The following DPP10 variants were observed in gnomAD, a reference collection of about 807,000 sequenced individuals.
DPP10 encodes dipeptidyl peptidase like 10, also known as inactive dipeptidyl peptidase 10.
In DPP10, 33 loss-of-function variants were observed where a neutral mutation model predicts 120.9. The ratio of observed to expected loss-of-function variants is 0.27; its 90% confidence interval spans 0.21 to 0.37. DPP10 has a LOEUF of 0.37. Ranked by LOEUF, DPP10 falls within the 10% of genes least tolerant of loss-of-function variation. The probability of loss-of-function intolerance (pLI) is 1.00; values close to 1 mark genes in which losing one functional copy is unlikely to be tolerated. For missense variants in DPP10, 816 were observed against 942.8 expected (o/e 0.87, Z 1.76); for synonymous variants, 337 against 326.1 (o/e 1.03, Z -0.36).
At position 114,473,354 on chromosome 2, in the gene DPP10, G is replaced by A. The variant is rs549366367; in HGVS notation, c.60+30516G>A. On this transcript the variant is annotated intron_variant, in intron 1 of 25. Transcript: ENST00000410059. ...TGGTGCCCCTGAAAAAATTAGGTTT[G>A]CAATTAGGACAATTTCTGCCTTGTA... Among the ~76,000 whole-genome samples, 10 of 152,254 alleles carry A rather than the reference G, an allele frequency of 6.6e-5. No individual in the cohort carries two copies. The South Asian group carries it at 2.1e-3, about 32-fold the overall frequency.
At chr2:114,700,854 G>A (rs1201270533) in intron 1 of DPP10, among the ~76,000 whole-genome samples, 1 of 152,022 alleles carries the variant, frequency 6.6e-6, no homozygotes, top group Non-Finnish European at 1.5e-5. Flanking sequence ...AGACTGTGAG[G>A]AATTTACACA....
At chr2:114,754,436 T>C (rs1679546029) in intron 1 of DPP10, among the ~76,000 whole-genome samples, 1 of 152,206 alleles carries the variant, frequency 6.6e-6, no homozygotes. Flanking sequence ...ATGATTCGAT[T>C]GATTTGAATG....
At chr2:115,802,526 G>A (rs1386117416) in intron 19 of DPP10, among the ~76,000 whole-genome samples, 1 of 152,108 alleles carries the variant, frequency 6.6e-6, no homozygotes, top group Non-Finnish European at 1.5e-5. Context: ...TGATGTTAGG[G>A]TGTCAATTTT....
intron 1 of DPP10, among the ~76,000 whole-genome samples, chr2:114,542,845 A>C (rs1459078216): frequency 6.6e-6 from 1 of 152,190 alleles, no homozygotes; most frequent in African/African-American, 2.4e-5. Context: ...GGTTTTATCA[A>C]GATTGGGATC....
chr2:115,542,694 TAAA>T (rs979767132), intron 5 of DPP10, among the ~76,000 whole-genome samples: 1 of 142,384 alleles, frequency 7.0e-6, no homozygotes, highest in Non-Finnish European at 1.5e-5. Context: ...GAGATGACAT[TAAA>T]AAAAAAAAGA....
chr2:114,707,407 A>G (rs1039485529), intron 1 of DPP10, among the ~76,000 whole-genome samples: 3 of 152,218 alleles, frequency 2.0e-5, no homozygotes, highest in Admixed American at 6.5e-5. Context: ...TGTATTATGA[A>G]TTTATATCCA....
intron 1 of DPP10, among the ~76,000 whole-genome samples, chr2:115,069,720 G>A (rs1489499925): frequency 6.6e-6 from 1 of 151,640 alleles, no homozygotes; most frequent in Non-Finnish European, 1.5e-5. Flanking sequence ...TTCCAATTCT[G>A]CTTCCTCGAA....
intron 3 of DPP10, among the ~76,000 whole-genome samples, chr2:115,401,071 C>A (rs1371318852): frequency 1.3e-5 from 2 of 152,098 alleles, no homozygotes; most frequent in African/African-American, 4.8e-5. Context: ...AATGAGCGAG[C>A]CATAGAAGGT....
Position 115,777,232 on chromosome 2 carries a change from C to T in DPP10, c.1246C>T (p.Arg416Trp), listed in dbSNP as rs772658327. 11 of 1,612,696 alleles carry T rather than the reference C, an allele frequency of 6.8e-6. No homozygotes were observed. The highest frequency in any genetic ancestry group is 1.3e-5 in the African/African-American group (1 of 74,790). Residue 416 changes from arginine to tryptophan, a missense_variant, in exon 14 of 26, where the codon CGG becomes TGG. Transcript: ENST00000410059. Reference protein sequence around the residue: ...IQSKSEQITVRHLTSGNWEVI... With the variant: ...IQSKSEQITVWHLTSGNWEVI... ...GAGTAAAAGTGAGCAAATTACCGTG[C>T]GGCATCTGACATCAGGAAACTGGGA... is the stretch of plus-strand genomic sequence containing the variant.
chr2:115,825,236 T>G (rs1045781446), intron 21 of DPP10, among the ~76,000 whole-genome samples: 3 of 152,182 alleles, frequency 2.0e-5, no homozygotes, highest in African/African-American at 4.8e-5. Flanking sequence ...CCTTTTAACT[T>G]TTTTCTAACA....
At chr2:115,519,350 A>C (rs1260656001) in intron 4 of DPP10, among the ~76,000 whole-genome samples, 2 of 152,176 alleles carry the variant, frequency 1.3e-5, no homozygotes, top group South Asian at 4.1e-4. Context: ...ACGTAGTTGT[A>C]TCATGGCATT....
intron 1 of DPP10, among the ~76,000 whole-genome samples, chr2:114,869,177 C>T (rs904434170): frequency 5.3e-5 from 8 of 151,862 alleles, no homozygotes; most frequent in South Asian, 2.1e-4. Flanking sequence ...TCAGCCATTA[C>T]GAACTACGAA....
intron 1 of DPP10, among the ~76,000 whole-genome samples, chr2:114,727,461 A>G (rs13400432): frequency 6.4e-4 from 97 of 152,338 alleles, no homozygotes; most frequent in African/African-American, 2.3e-3. Context: ...ATGATCCAGC[A>G]GGTTGTTTTT....
At chr2:115,730,598 G>C (rs962624693) in intron 8 of DPP10, among the ~76,000 whole-genome samples, 2 of 152,302 alleles carry the variant, frequency 1.3e-5, no homozygotes, top group African/African-American at 4.8e-5. Flanking sequence ...TTGGGTCTCT[G>C]TCCTATTGAA....
intron 3 of DPP10, among the ~76,000 whole-genome samples, chr2:115,461,298 T>C (rs843424): frequency 0.83 from 125,815 of 151,986 alleles, 55,139 homozygotes; most frequent in Non-Finnish European, 0.97. Context: ...ATGGTGGTTA[T>C]ATGCTTGTAT....
intron 1 of DPP10, among the ~76,000 whole-genome samples, chr2:115,031,418 C>A (rs554906887): frequency 2.0e-5 from 3 of 152,218 alleles, no homozygotes; most frequent in South Asian, 2.1e-4. Context: ...TGTGTCCAAT[C>A]AGGATGGATT....
chr2:115,328,698 T>C (rs978388107), intron 2 of DPP10, among the ~76,000 whole-genome samples: 2 of 152,092 alleles, frequency 1.3e-5, no homozygotes, highest in African/African-American at 2.4e-5. Context: ...AAGCAGCATT[T>C]TTCTGGTTGA....
chr2:115,090,093 T>A (rs984084456), intron 1 of DPP10, among the ~76,000 whole-genome samples: 1 of 152,192 alleles, frequency 6.6e-6, no homozygotes, highest in African/African-American at 2.4e-5. Context: ...GATCCACAAT[T>A]ATTCCCTTTT....
rs184274354 is a variant in DPP10, at chr2:114,775,925, C to T, written c.60+333087C>T. Among the ~76,000 whole-genome samples, 9 of 152,180 alleles carry T rather than the reference C, an allele frequency of 5.9e-5. No individual in the cohort carries two copies. The East Asian group carries it at 1.2e-3, about 20-fold the overall frequency. On this transcript the variant is annotated intron_variant, in intron 1 of 25. Coordinates refer to ENST00000410059, the MANE Select transcript of DPP10 (RefSeq NM_020868.6). The stretch of plus-strand genomic sequence containing the variant: ...TGGGTGACAGAGAGAGACATCTAAA[C>T]AAATATACTTACAATGTTGGTAATA...
Sources: allele counts gnomAD v4.1 joint callset (sites outside exome capture counted in the v4.1 genomes callset), GRCh38; gene constraint gnomAD v4.1.1; transcripts MANE v1.5; gene names NCBI Gene and HGNC (gene_info 2026-07-23, HGNC 2026-07-21).